The following PPFIA1 variants were observed in gnomAD, a reference collection of about 807,000 sequenced individuals.
The protein encoded by PPFIA1 is PPFI scaffold protein A1, also known as liprin-alpha-1.
PPFIA1 carries 25 observed loss-of-function variants against 149.9 expected under a neutral mutation model. That is an observed-to-expected ratio of 0.17 (90% CI 0.12 to 0.23). The LOEUF (loss-of-function observed/expected upper bound fraction) is 0.23. Ranked by LOEUF, PPFIA1 falls within the 10% of genes least tolerant of loss-of-function variation. The pLI is 1.00. For synonymous variants in PPFIA1, 549 were observed against 552.8 expected (o/e 0.99, Z 0.10); for missense variants, 1,362 against 1,506.5 (o/e 0.90, Z 1.59).
At chr11:70,379,543 G>A (rs1258758974) in intron 26 of PPFIA1, among the ~76,000 whole-genome samples, 4 of 151,774 alleles carry the variant, frequency 2.6e-5, no homozygotes, top group African/African-American at 9.7e-5. Flanking sequence ...TTGATAGGCT[G>A]AGAGGCAGGA....
chr11:70,350,323 C>G (rs1299647966), intron 16 of PPFIA1, among the ~76,000 whole-genome samples: 2 of 147,896 alleles, frequency 1.4e-5, no homozygotes, highest in Non-Finnish European at 3.0e-5. Context: ...CTTTCTGGTT[C>G]TGATGATTGT....
intron 10 of PPFIA1, chr11:70,334,342 T>G: frequency 6.6e-6 from 1 of 152,114 alleles, no homozygotes; most frequent in East Asian, 1.9e-4. Flanking sequence ...GGCTACTAGA[T>G]TTTGTTTTCA....
At chr11:70,299,133 G>A (rs2136317922) in intron 2 of PPFIA1, among the ~76,000 whole-genome samples, 1 of 152,178 alleles carries the variant, frequency 6.6e-6, no homozygotes, top group Middle Eastern at 3.4e-3. Context: ...CAGCTATTTG[G>A]GAGGCTGAGA....
rs775387061 is a variant in PPFIA1, at chr11:70,356,215, T to G, written c.2543T>G (p.Leu848Trp). Residue 848 changes from leucine to tryptophan, a missense_variant, in exon 19 of 28, where the codon TTG (leucine) becomes TGG (tryptophan). Leu to Trp is a moderately conservative substitution (Grantham distance 61). Transcript: ENST00000253925. Reference protein sequence around the residue: ...SSQDALGLSKLGGQAEKNRKL... With the variant: ...SSQDALGLSKWGGQAEKNRKL... ...CAGGATGCCTTGGGACTTAGCAAAT[T>G]GGGGGGACAGGCTGAAAAAAATCGT... 1.2e-6 allele frequency: 2 copies of G among 1,613,818 alleles called. No individual in the cohort carries two copies. Among genetic ancestry groups the G allele is most frequent in the Non-Finnish European group, 1.7e-6 (2 of 1,179,962 alleles).
At chr11:70,379,923 C>A (rs1240191967) in intron 26 of PPFIA1, among the ~76,000 whole-genome samples, 1 of 152,176 alleles carries the variant, frequency 6.6e-6, no homozygotes, top group Non-Finnish European at 1.5e-5. Context: ...CATTTTTCTT[C>A]CAAGAGTCAT....
chr11:70,293,093 G>A (rs1591080957), intron 2 of PPFIA1, among the ~76,000 whole-genome samples: 2 of 152,222 alleles, frequency 1.3e-5, no homozygotes, highest in Non-Finnish European at 2.9e-5. Context: ...GTTGAGCGTA[G>A]CCTCTGGCAC....
chr11:70,336,707 G>A (rs879515260), intron 11 of PPFIA1, among the ~76,000 whole-genome samples: 1 of 152,178 alleles, frequency 6.6e-6, no homozygotes. Context: ...TGTCACCAGA[G>A]CGAAGGGATA....
intron 21 of PPFIA1, chr11:70,364,766 A>G (rs2056832430): frequency 6.6e-6 from 1 of 152,088 alleles, no homozygotes; most frequent in Non-Finnish European, 1.5e-5. Flanking sequence ...ATGTTTATCC[A>G]CTGTCTTCAG....
chr11:70,291,888 A>C (rs924849687), intron 2 of PPFIA1, among the ~76,000 whole-genome samples: 1 of 130,972 alleles, frequency 7.6e-6, no homozygotes, highest in Non-Finnish European at 1.5e-5. Context: ...CCCAGGCTGG[A>C]GTGTAGTGGT....
At chr11:70,276,270 C>CTT (rs567492443) in intron 2 of PPFIA1, among the ~76,000 whole-genome samples, 3 of 136,508 alleles carry the variant, frequency 2.2e-5, no homozygotes, top group African/African-American at 5.5e-5. Flanking sequence ...CTGCGCCTTG[C>CTT]TTTTTTTTTT....
intron 2 of PPFIA1, among the ~76,000 whole-genome samples, chr11:70,290,237 A>G (rs1005511839): frequency 2.6e-5 from 4 of 152,186 alleles, no homozygotes; most frequent in African/African-American, 9.7e-5. Flanking sequence ...GTAAAAAAAA[A>G]AAGTTTATTA....
chr11:70,325,002 G>T lies in PPFIA1; in HGVS notation c.522G>T (p.Leu174=). The T allele has an allele frequency of 6.2e-7, 1 of 1,605,512 alleles. No homozygotes were observed. The highest frequency in any genetic ancestry group is 1.1e-5 in the South Asian group (1 of 89,474). The change falls in exon 4 of 28, where the codon CTG becomes CTT. Residue 174 remains leucine (L), a synonymous_variant. Transcript: ENST00000253925. ...CCTTATTTGAACACCACAAAGCTCTGGATGAAAAGGTGCCATCAGCCACAT... is the reference window on the plus strand; with the variant it reads ...CCTTATTTGAACACCACAAAGCTCTTGATGAAAAGGTGCCATCAGCCACAT... The part of the protein sequence containing the change: ...LKSLFEHHKA[L]DEKVRERLRV...
intron 2 of PPFIA1, among the ~76,000 whole-genome samples, chr11:70,315,678 G>GT (rs71049904): frequency 0.076 from 5,541 of 72,976 alleles, 64 homozygotes; most frequent in East Asian, 0.13. Context: ...CTTTTTTTCT[G>GT]TTTTTTTTTT....
chr11:70,290,475 C>T (rs944546818), intron 2 of PPFIA1, among the ~76,000 whole-genome samples: 15 of 152,148 alleles, frequency 9.9e-5, no homozygotes, highest in African/African-American at 3.1e-4. Context: ...GCTTTGTTGG[C>T]GCCTGCTAAT....
chr11:70,352,001 C>T (rs2056082559), intron 16 of PPFIA1, among the ~76,000 whole-genome samples: 1 of 152,212 alleles, frequency 6.6e-6, no homozygotes, highest in Non-Finnish European at 1.5e-5. Context: ...GACCCCAAAT[C>T]TCTCCCTCAT....
intron 12 of PPFIA1, among the ~76,000 whole-genome samples, chr11:70,337,815 A>T (rs778982810): frequency 6.6e-6 from 1 of 152,226 alleles, no homozygotes; most frequent in Admixed American, 6.5e-5. Context: ...TTATTATTTC[A>T]TAATGTATTA....
At position 70,383,972 on chromosome 11, in the gene PPFIA1, T is replaced by C. The variant is rs764534936; in HGVS notation, c.*982T>C. 3.3e-5 allele frequency: 5 copies of C among 152,282 alleles called. No homozygotes were observed. The highest frequency in any genetic ancestry group is 5.9e-5 in the Non-Finnish European group (4 of 68,058). The allele number at this position is 152,282 out of a possible 1,614,324, so 9.4% of individuals were successfully genotyped here. ...GACCCAGAAAGCAGTGCAGTGCAGCTCTAATAAAGGCCTTATTTTTCTTAT... is the reference window on the plus strand; with the variant it reads ...GACCCAGAAAGCAGTGCAGTGCAGCCCTAATAAAGGCCTTATTTTTCTTAT... On this transcript the variant is annotated 3_prime_UTR_variant, in exon 28 of 28. Transcript: ENST00000253925.
At chr11:70,303,592 C>T (rs2052635999) in intron 2 of PPFIA1, among the ~76,000 whole-genome samples, 1 of 152,162 alleles carries the variant, frequency 6.6e-6, no homozygotes, top group Admixed American at 6.5e-5. Flanking sequence ...TTGGTCTGTG[C>T]CCTGGCCCCT....
At chr11:70,342,952 T>C (rs1339728887) in intron 14 of PPFIA1, among the ~76,000 whole-genome samples, 2 of 135,734 alleles carry the variant, frequency 1.5e-5, no homozygotes, top group Non-Finnish European at 3.1e-5. Context: ...TTTTTTTTTT[T>C]TTTTTTTTTT....
Sources: gnomAD v4.1 joint callset for allele counts (sites outside exome capture counted in the v4.1 genomes callset) on GRCh38, gnomAD v4.1.1 for gene constraint, MANE v1.5 for transcripts, NCBI Gene and HGNC (gene_info 2026-07-23, HGNC 2026-07-21) for gene names.